Variants in TMEM237 observed in about 807,000 individuals in gnomAD.
TMEM237 encodes the protein transmembrane protein 237, also known as amyotrophic lateral sclerosis 2 (juvenile) chromosome region, candidate 4.
A neutral mutation model predicts 59.1 loss-of-function variants in TMEM237; 51 were observed. That is an observed-to-expected ratio of 0.86 (90% CI 0.69 to 1.09). The LOEUF (loss-of-function observed/expected upper bound fraction) is 1.09, where lower values mean the gene tolerates loss of function less well. TMEM237 is among the 50% of genes least tolerant of loss of function. The pLI, the probability that TMEM237 is intolerant of heterozygous loss-of-function variation, is 0.00. For missense variants in TMEM237, 475 were observed against 478.3 expected, an observed-to-expected ratio of 0.99 and a Z score of 0.06; for synonymous variants, 140 against 166.1, an observed-to-expected ratio of 0.84 and a Z score of 1.21.
chr2:201,632,248 G>T (rs553506487), intron 6 of TMEM237, 40 bp from the exon 7 acceptor site: 7 of 1,605,606 alleles, frequency 4.4e-6, no homozygotes, highest in African/African-American at 4.0e-5. Flanking sequence ...GATGATTATT[G>T]AATTTTTTAC....
intron 12 of TMEM237, among the ~76,000 whole-genome samples, chr2:201,625,138 G>A (rs761926506): frequency 1.3e-5 from 2 of 152,126 alleles, no homozygotes; most frequent in Non-Finnish European, 2.9e-5. Context: ...CGAGGCGGGC[G>A]GATCACGAGG....
At chr2:201,642,999 T>A in intron 1 of TMEM237, 1 of 1,298,656 alleles carries the variant, frequency 7.7e-7, no homozygotes. Flanking sequence ...ACAGATCTCT[T>A]CTGGGCAGCT....
chr2:201,625,975 C>G (rs1957754862), intron 12 of TMEM237, 51 bp downstream of exon 12: 1 of 1,524,132 alleles, frequency 6.6e-7, no homozygotes, highest in African/African-American at 1.4e-5. Context: ...GTTTATAAAA[C>G]CATTATAGAA....
Position 201,632,148 on chromosome 2 carries a change from T to C in TMEM237, c.456A>G (p.Ile152Met). Residue 152 changes from isoleucine to methionine, a missense_variant, in exon 7 of 13, where the codon ATA (isoleucine) becomes ATG (methionine). By Grantham distance (10) the Ile-to-Met change is conservative. Coordinates refer to ENST00000409883, the MANE Select transcript of TMEM237 (RefSeq NM_001044385.3). ...ANELGVEDED[I>M]ITDEQTTVEQ... is the part of the protein sequence containing the mutation. ...CCACAGTAGTTTGCTCATCAGTGAT[T>C]ATGTCTTCATCTTCTACTCCTAGCT... is the stretch of plus-strand genomic sequence containing the variant. The C allele has an allele frequency of 6.2e-7, 1 of 1,613,952 alleles. No homozygotes were observed. Among genetic ancestry groups the C allele is most frequent in the South Asian group, 1.1e-5 (1 of 91,074 alleles).
chr2:201,637,385 C>T (rs185141023), intron 4 of TMEM237, among the ~76,000 whole-genome samples: 2 of 152,290 alleles, frequency 1.3e-5, no homozygotes, highest in East Asian at 3.9e-4. Context: ...CTCATGAAAT[C>T]TTTTAAAAGA....
At position 201,641,054 on chromosome 2, in the gene TMEM237, C is replaced by A. The variant is rs978948092; in HGVS notation, c.43-130G>T. The A allele has an allele frequency of 1.2e-4, 82 of 681,644 alleles. No individual in the cohort carries two copies. In the Middle Eastern group the frequency reaches 1.8e-3, roughly 15 times the overall value. The allele number at this position is 681,644 out of a possible 1,614,324, so 42.2% of individuals were successfully genotyped here. On this transcript the variant is annotated intron_variant, in intron 1 of 12. Coordinates refer to ENST00000409883, the MANE Select transcript of TMEM237 (RefSeq NM_001044385.3). ...TGGCCCAGGCTGGAGTGCAACGGCACGATCTTGGCTCACTGCAGCTTCCAT... is the reference window on the plus strand; with the variant it reads ...TGGCCCAGGCTGGAGTGCAACGGCAAGATCTTGGCTCACTGCAGCTTCCAT...
At chr2:201,642,512 C>A in intron 1 of TMEM237, 2 of 1,383,372 alleles carry the variant, frequency 1.4e-6, no homozygotes, top group Non-Finnish European at 2.0e-6. Flanking sequence ...AAATGACGTT[C>A]CACCCACCCA....
At position 201,629,723 on chromosome 2, in the gene TMEM237, A is replaced by T; in HGVS notation, c.677+6T>A. 6.3e-7 allele frequency: 1 copy of T among 1,588,064 alleles called. No individual in the cohort carries two copies. Among genetic ancestry groups the T allele is most frequent in the East Asian group, 2.2e-5 (1 of 44,698 alleles). ...ATTTTAAGAAAAGTCCAACAAAAGC[A>T]GCCACCTGAAAGCCCGGTGCACTGT... On this transcript the variant is annotated splice_donor_region_variant and intron_variant, in intron 8 of 12. Coordinates refer to ENST00000409883, the MANE Select transcript of TMEM237 (RefSeq NM_001044385.3).
chr2:201,633,764 A>G (rs1295517338), intron 5 of TMEM237, among the ~76,000 whole-genome samples: 1 of 152,232 alleles, frequency 6.6e-6, no homozygotes, highest in Admixed American at 6.5e-5. Context: ...GGTTTACTAC[A>G]GCAAATGGAT....
At chr2:201,640,993 G>C (rs370224784) in intron 1 of TMEM237, 69 bp from the exon 2 acceptor site, 6 of 1,405,648 alleles carry the variant, frequency 4.3e-6, no homozygotes, top group African/African-American at 1.5e-5. Flanking sequence ...ATACCATCAC[G>C]CTATTTTTTT....
Position 201,640,261 on chromosome 2 carries a change from C to T in TMEM237, c.79G>A (p.Asp27Asn). 6.4e-7 allele frequency: 1 copy of T among 1,554,252 alleles called. No homozygotes were observed. The highest frequency in any genetic ancestry group is 8.6e-7 in the Non-Finnish European group (1 of 1,161,142). ...TTATATTTACATTAAACTAACTCAC[C>T]TTGACTAACACGTCATATAACACCA... ...PRALPPVPSQ[D>N]DIPLSRPKKK... Residue 27 changes from aspartate (D) to asparagine (N), a missense_variant and splice_region_variant, in exon 3 of 13, where the codon GAT becomes AAT. Transcript: ENST00000409883.
chr2:201,643,002 G>A lies in TMEM237; in HGVS notation c.42+357C>T. On this transcript the variant is annotated intron_variant, in intron 1 of 12. Transcript: ENST00000409883. The surrounding 1 kb of genome is among the most constrained non-coding windows in gnomAD (Gnocchi z 4.3). ...CTCCGCAGGCGAACAGATCTCTTCT[G>A]GGCAGCTACAGACCTCTCCTCGGAG... 6 of 1,299,058 alleles carry A rather than the reference G, an allele frequency of 4.6e-6. No individual in the cohort carries two copies. Among genetic ancestry groups the A allele is most frequent in the Non-Finnish European group, 5.8e-6 (6 of 1,026,744 alleles). 80.5% of individuals were successfully genotyped at this position (1,299,058 alleles called of 1,614,324 possible).
chr2:201,626,530 T>TG (rs1299769191), intron 11 of TMEM237, among the ~76,000 whole-genome samples: 24 of 117,842 alleles, frequency 2.0e-4, no homozygotes, highest in East Asian at 1.8e-3. Context: ...GTGCAGCATT[T>TG]GGGGAAAAAA....
Position 201,626,076 on chromosome 2 carries a change from C to G in TMEM237, c.1109G>C (p.Gly370Ala), listed in dbSNP as rs1164056116. ...ATAAGACAAAAATAGCCAAGATAATCCAACCAGAAGAGCCACCACGAGATT... is the reference window on the plus strand; with the variant it reads ...ATAAGACAAAAATAGCCAAGATAATGCAACCAGAAGAGCCACCACGAGATT... ...VVNLVVALLV[G>A]LSWLFLSYRP... is the part of the protein sequence containing the mutation. The change falls in exon 12 of 13, where the codon GGA (glycine) becomes GCA (alanine). Residue 370 changes from glycine to alanine, a missense_variant. Coordinates refer to ENST00000409883, the MANE Select transcript of TMEM237 (RefSeq NM_001044385.3). The G allele has an allele frequency of 6.2e-7, 1 of 1,605,974 alleles. No individual in the cohort carries two copies. The highest frequency in any genetic ancestry group is 1.1e-5 in the South Asian group (1 of 89,384).
Position 201,635,240 on chromosome 2 carries a change from A to T in TMEM237, c.274+1508T>A, listed in dbSNP as rs1222852685. 6.6e-6 allele frequency among the ~76,000 whole-genome samples: 1 copy of T among 152,226 alleles called. No homozygotes were observed. The highest frequency in any genetic ancestry group is 1.5e-5 in the Non-Finnish European group (1 of 68,042). On this transcript the variant is annotated intron_variant, in intron 5 of 12. Coordinates refer to ENST00000409883, the MANE Select transcript of TMEM237 (RefSeq NM_001044385.3). The surrounding 1 kb of genome is among the most constrained non-coding windows in gnomAD (Gnocchi z 4.5). ...GAGATATGTTCAAGTCCTAACTCAT[A>T]ATACCTGTGAGTGTAACCTTATTTG...
chr2:201,634,098 C>T (rs965113223), intron 5 of TMEM237, among the ~76,000 whole-genome samples: 3 of 152,186 alleles, frequency 2.0e-5, no homozygotes, highest in Non-Finnish European at 2.9e-5. Flanking sequence ...AGTTTTCTAT[C>T]AGTGTAGGGA....
chr2:201,643,274 G>GGCCCCCCCCCCCCACC lies in TMEM237; in HGVS notation c.42+84_42+85insGGTGGGGGGGGGGGGC. The stretch of plus-strand genomic sequence containing the variant: ...CCTTAGTGATTCCCAGCTCGTTGGC[G>GGCCCCCCCCCCCCACC]CCCCCCCACACACACCCACCCCCAC... On this transcript the variant is annotated intron_variant, in intron 1 of 12. Coordinates refer to ENST00000409883, the MANE Select transcript of TMEM237 (RefSeq NM_001044385.3). This position sits in a 1 kb window ranked among gnomAD's most constrained non-coding sequence, Gnocchi z 4.3. The GGCCCCCCCCCCCCACC allele has an allele frequency of 8.3e-7, 1 of 1,206,760 alleles. No homozygotes were observed. The highest frequency in any genetic ancestry group is 1.2e-6 in the Non-Finnish European group (1 of 849,320). The allele number at this position is 1,206,760 out of a possible 1,614,324, so 74.8% of individuals were successfully genotyped here.
rs1687269779 is a variant in TMEM237, at chr2:201,635,077, TGAAG to T, written c.275-1650_275-1647del. Among the ~76,000 whole-genome samples the T allele has an allele frequency of 1.3e-5, 2 of 152,276 alleles. No individual in the cohort carries two copies. Among genetic ancestry groups the T allele is most frequent in the East Asian group, 1.9e-4 (1 of 5,188 alleles). On this transcript the variant is annotated intron_variant, in intron 5 of 12. Coordinates refer to ENST00000409883, the MANE Select transcript of TMEM237 (RefSeq NM_001044385.3). The surrounding 1 kb of genome is among the most constrained non-coding windows in gnomAD (Gnocchi z 4.5). ...AAATATAAAAAATTAGTAAAATAAA[TGAAG>T]GAAGAAAATTTTAAAAATCATACTT...
rs60167652 is a variant in TMEM237 at position 201,637,744 on chromosome 2, CA to C, written c.137-860del. ...TGGGCAACAGAGCAAGACTCCGTCT[CA>C]AAAAAAAAAAAAAAAAATAGAAATG... On this transcript the variant is annotated intron_variant, in intron 4 of 12. Transcript: ENST00000409883. Among the ~76,000 whole-genome samples the C allele has an allele frequency of 7.3e-3, 462 of 63,392 alleles. 2 individuals are homozygous for C. Among genetic ancestry groups the C allele is most frequent in the Middle Eastern group, 0.018 (2 of 112 alleles). The allele number at this position is 63,392 out of a possible 152,430, so 41.6% of individuals were successfully genotyped here.
Sources: gnomAD v4.1 joint callset for allele counts (sites outside exome capture counted in the v4.1 genomes callset) on GRCh38, gnomAD v4.1.1 for gene constraint, Gnocchi (gnomAD v3.1) non-coding constraint, MANE v1.5 for transcripts, NCBI Gene and HGNC (gene_info 2026-07-23, HGNC 2026-07-21) for gene names.